The following TLK1 variants were observed in gnomAD, a reference collection of about 807,000 sequenced individuals.
TLK1 encodes tousled like kinase 1, also known as serine/threonine-protein kinase tousled-like 1.
Under a neutral mutation model 105.3 loss-of-function variants are expected in TLK1, and 24 were observed. The observed-to-expected ratio is 0.23, with a 90% CI of 0.17 to 0.32. The LOEUF is 0.32. Among genes scored for constraint, TLK1 ranks in the 10% least tolerant of loss-of-function variants. The pLI, the probability that TLK1 is intolerant of heterozygous loss-of-function variation, is 1.00. For synonymous variants in TLK1, 321 were observed against 310.4 expected, an observed-to-expected ratio of 1.03 and a Z score of -0.36; for missense variants, 558 against 910.5, an observed-to-expected ratio of 0.61 and a Z score of 4.98.
chr2:171,208,970 T>A (rs1174296325), intron 1 of TLK1, among the ~76,000 whole-genome samples: 2 of 152,152 alleles, frequency 1.3e-5, no homozygotes, highest in Non-Finnish European at 2.9e-5. Context: ...AGAAGAAAAA[T>A]TAGAGACAAC....
chr2:171,109,821 A>G (rs538190700), intron 2 of TLK1, among the ~76,000 whole-genome samples: 3 of 152,258 alleles, frequency 2.0e-5, no homozygotes, highest in Non-Finnish European at 4.4e-5. Flanking sequence ...CTACTAAAAC[A>G]GCAACAACCT....
chr2:171,095,201 G>A (rs1441162264), intron 2 of TLK1, among the ~76,000 whole-genome samples: 6 of 151,360 alleles, frequency 4.0e-5, no homozygotes, highest in Admixed American at 6.6e-5. Flanking sequence ...TAACCCAACC[G>A]TCCACCCAAA....
intron 7 of TLK1, chr2:171,054,261 A>T (rs993497943): frequency 2.0e-5 from 3 of 152,874 alleles, no homozygotes; most frequent in Admixed American, 6.5e-5. Flanking sequence ...TATTTAACAC[A>T]TATCTTTTTT....
chr2:171,001,939 C>T (rs964803625), intron 18 of TLK1, among the ~76,000 whole-genome samples: 1 of 152,028 alleles, frequency 6.6e-6, no homozygotes. Flanking sequence ...CACCACCACA[C>T]CCAGCTAATT....
intron 3 of TLK1, chr2:171,081,730 G>A (rs1175852346): frequency 1.4e-5 from 18 of 1,302,804 alleles, no homozygotes; most frequent in Non-Finnish European, 1.8e-5. Flanking sequence ...AAAGCCTGAT[G>A]AGTGAGAGCC....
intron 16 of TLK1, 70 bp downstream of exon 16, chr2:171,006,730 T>C (rs999308629): frequency 1.3e-5 from 21 of 1,592,470 alleles, no homozygotes; most frequent in Non-Finnish European, 1.7e-5. Flanking sequence ...ATTTATATCA[T>C]CAACACAGGA....
chr2:171,126,387 T>C (rs1226729929), intron 1 of TLK1, among the ~76,000 whole-genome samples: 3 of 152,178 alleles, frequency 2.0e-5, no homozygotes, highest in African/African-American at 7.2e-5. Flanking sequence ...CAATAAATGT[T>C]GATTACTGTA....
chr2:171,167,701 A>C (rs1411456069), intron 1 of TLK1, among the ~76,000 whole-genome samples: 2 of 152,198 alleles, frequency 1.3e-5, no homozygotes, highest in African/African-American at 4.8e-5. Flanking sequence ...ACACAACAAA[A>C]ACTGGAATTA....
At chr2:171,163,090 C>G (rs1400264293), upstream of TLK1, among the ~76,000 whole-genome samples, 6 of 152,198 alleles carry the variant, frequency 3.9e-5, no homozygotes, top group Admixed American at 2.6e-4. Flanking sequence ...CCGTGCCAGG[C>G]CTTGTCTGGC....
intron 2 of TLK1, among the ~76,000 whole-genome samples, chr2:171,096,890 T>C (rs532861411): frequency 1.8e-4 from 27 of 152,302 alleles, no homozygotes; most frequent in Middle Eastern, 3.4e-3. Context: ...TTAATATTGT[T>C]TAACTGTCCA....
chr2:171,016,040 T>C (rs960339387), intron 12 of TLK1, among the ~76,000 whole-genome samples: 14 of 151,876 alleles, frequency 9.2e-5, no homozygotes, highest in African/African-American at 2.9e-4. Flanking sequence ...ATCGTGCCAC[T>C]GCACTTCAGC....
At chr2:171,225,867 T>C (rs149988995) in intron 1 of TLK1, among the ~76,000 whole-genome samples, 10 of 152,372 alleles carry the variant, frequency 6.6e-5, no homozygotes, top group African/African-American at 2.4e-4. Flanking sequence ...ATTTCTTTCA[T>C]CATTGCTGAA....
chr2:171,002,479 T>G (rs1005661940), intron 18 of TLK1, among the ~76,000 whole-genome samples: 1 of 152,042 alleles, frequency 6.6e-6, no homozygotes, highest in African/African-American at 2.4e-5. Context: ...TTTCACCGTG[T>G]TAGCCAGGAT....
At chr2:171,038,737 C>T (rs138123215) in intron 11 of TLK1, among the ~76,000 whole-genome samples, 2 of 152,044 alleles carry the variant, frequency 1.3e-5, no homozygotes, top group African/African-American at 4.8e-5. Flanking sequence ...TGAAATTTGC[C>T]GAGGCTTGCT....
At chr2:171,203,975 C>T (rs1044724792) in intron 1 of TLK1, among the ~76,000 whole-genome samples, 1 of 151,740 alleles carries the variant, frequency 6.6e-6, no homozygotes, top group African/African-American at 2.4e-5. Context: ...TCGCTTGAAC[C>T]GGTGGGGGGC....
At chr2:171,074,859 T>C (rs1688430531) in intron 3 of TLK1, among the ~76,000 whole-genome samples, 1 of 151,426 alleles carries the variant, frequency 6.6e-6, no homozygotes, top group Admixed American at 6.6e-5. Flanking sequence ...GTGTCTAACA[T>C]CTTAAGGAGG....
intron 18 of TLK1, 35 bp from the exon 19 acceptor site, chr2:170,997,858 C>T (rs755873913): frequency 2.3e-6 from 3 of 1,280,538 alleles, no homozygotes; most frequent in South Asian, 2.9e-5. Flanking sequence ...AAGGTTACTA[C>T]TGACAATCTG....
At chr2:171,180,361 G>T (rs369082383) in intron 1 of TLK1, among the ~76,000 whole-genome samples, 1 of 152,094 alleles carries the variant, frequency 6.6e-6, no homozygotes, top group South Asian at 2.1e-4. Context: ...CTCTTCTTGA[G>T]TATGGATAAT....
chr2:171,090,202 AT>A (rs1270035507), intron 2 of TLK1, among the ~76,000 whole-genome samples: 3 of 152,066 alleles, frequency 2.0e-5, no homozygotes, highest in Non-Finnish European at 4.4e-5. Context: ...TATTATAAAG[AT>A]TTAATAACAT....
Sources: allele counts gnomAD v4.1 joint callset (sites outside exome capture counted in the v4.1 genomes callset), GRCh38; gene constraint gnomAD v4.1.1; transcripts MANE v1.5; gene names NCBI Gene and HGNC (gene_info 2026-07-23, HGNC 2026-07-21).